The following ZNF142 variants were observed in gnomAD, a reference collection of about 807,000 sequenced individuals.
ZNF142 encodes zinc finger protein 142 (clone pHZ-49).
In ZNF142, 96 loss-of-function variants were observed where a neutral mutation model predicts 132.1. The ratio of observed to expected loss-of-function variants is 0.73; its 90% CI spans 0.62 to 0.86. ZNF142 has a LOEUF of 0.86. ZNF142 is among the 40% of genes least tolerant of loss of function. The pLI, the probability that ZNF142 is intolerant of heterozygous loss-of-function variation, is 0.00. For synonymous variants in ZNF142, 842 were observed against 890.1 expected (o/e 0.95, Z 0.96); for missense variants, 2,163 against 2,336.2 (o/e 0.93, Z 1.53).
chr2:218,648,689 T>C lies in ZNF142; in HGVS notation c.1819A>G (p.Asn607Asp). The change falls in exon 7 of 11, where the codon AAC becomes GAC. Residue 607 changes from asparagine (N) to aspartate (D), a missense_variant. Asn to Asp is a conservative substitution (Grantham distance 23, BLOSUM62 1). Coordinates refer to ENST00000411696, the MANE Select transcript of ZNF142 (RefSeq NM_001379659.1). ...HEKIHQCPEC[N>D]FATAHKRVLI... ...ACCCTCTTGTGGGCAGTGGCAAAGT[T>C]GCACTCAGGACACTGGTGGATCTTT... 1 of 1,614,248 alleles carries C rather than the reference T, an allele frequency of 6.2e-7. No individual in the cohort carries two copies. The highest frequency in any genetic ancestry group is 2.2e-5 in the East Asian group (1 of 44,892).
Position 218,637,159 on chromosome 2 carries a change from A to C in ZNF142, c.*1180T>G. 1 of 267,848 alleles carries C rather than the reference A, an allele frequency of 3.7e-6. No homozygotes were observed. The highest frequency in any genetic ancestry group is 7.4e-6 in the Non-Finnish European group (1 of 134,964). The allele number at this position is 267,848 out of a possible 1,614,324, so 16.6% of individuals were successfully genotyped here. A position where few individuals can be genotyped will look rare whatever the true frequency, so the allele number is the denominator to read the frequency against. Reference sequence around the variant, plus strand: ...CTTCCTCCTTAGCCCCACTGGTATAAATACATCTCTCTCCAATTTGGCTTC... The same window carrying C: ...CTTCCTCCTTAGCCCCACTGGTATACATACATCTCTCTCCAATTTGGCTTC... On this transcript the variant is annotated 3_prime_UTR_variant, in exon 11 of 11. Transcript: ENST00000411696.
chr2:218,642,616 T>C lies in ZNF142; in HGVS notation c.4500A>G (p.Ala1500=), dbSNP rs1217328481. Residue 1500 remains alanine (A), a synonymous_variant, in exon 9 of 11, where the codon GCA becomes GCG. Transcript: ENST00000411696. This position sits in a 1 kb window ranked among gnomAD's most constrained non-coding sequence, Gnocchi z 4.6. Reference sequence around the variant, plus strand: ...GTCGGCGCAGAGCATGCTGCTTAAGTGCTGTCTCTGAGCTGAACTGGGCTT... The same window carrying C: ...GTCGGCGCAGAGCATGCTGCTTAAGCGCTGTCTCTGAGCTGAACTGGGCTT... ...QCEAQFSSET[A]LKQHALRRHP... The C allele has an allele frequency of 3.1e-6, 5 of 1,613,736 alleles. No individual in the cohort carries two copies. The East Asian group carries it at 1.1e-4, about 36-fold the overall frequency.
chr2:218,650,877 C>G (rs1254677672), intron 5 of ZNF142, among the ~76,000 whole-genome samples: 1 of 152,150 alleles, frequency 6.6e-6, no homozygotes, highest in Non-Finnish European at 1.5e-5. Context: ...GGCCCGTTTT[C>G]TCTGTTTCCT....
Position 218,650,527 on chromosome 2 carries a change from C to T in ZNF142, c.881-1G>A. On this transcript the variant is annotated splice_acceptor_variant, in intron 5 of 10. Coordinates refer to ENST00000411696, the MANE Select transcript of ZNF142 (RefSeq NM_001379659.1). LOFTEE classifies it high-confidence loss of function. ...CTCTCTCCTGGAGGCAGTTTGGGAG[C>T]TGGAGATACATAAAACTTGATAAAG... The T allele has an allele frequency of 6.4e-7, 1 of 1,568,518 alleles. No individual in the cohort carries two copies. Among genetic ancestry groups the T allele is most frequent in the Admixed American group, 1.9e-5 (1 of 51,678 alleles).
chr2:218,646,840 G>A (rs1697770582), intron 7 of ZNF142, among the ~76,000 whole-genome samples: 1 of 152,090 alleles, frequency 6.6e-6, no homozygotes. Flanking sequence ...GCCCGCCTTG[G>A]CCTCCTAAAG....
Position 218,646,250 on chromosome 2 carries a change from T to C in ZNF142, c.1972A>G (p.Met658Val). Residue 658 changes from methionine (M) to valine (V), a missense_variant, in exon 8 of 11, where the codon ATG becomes GTG. Coordinates refer to ENST00000411696, the MANE Select transcript of ZNF142 (RefSeq NM_001379659.1). ...GTGACATAGCCACATTCAGTGCACATGTAATCCTTGGTGTTGGAGTGGGTC... is the reference window on the plus strand; with the variant it reads ...GTGACATAGCCACATTCAGTGCACACGTAATCCTTGGTGTTGGAGTGGGTC... ...MLTHSNTKDY[M>V]CTECGYVTKW... The C allele has an allele frequency of 6.2e-7, 1 of 1,614,222 alleles. No individual in the cohort carries two copies. The highest frequency in any genetic ancestry group is 8.5e-7 in the Non-Finnish European group (1 of 1,180,036).
rs766693505 is a variant in ZNF142 at position 218,649,575 on chromosome 2, C to G, written c.1049-116G>C. ...GATGTGTGGCCTCTCTGCAGGAAAC[C>G]AAGCAAAAGGGTCTCAAATACTGTA... is the stretch of plus-strand genomic sequence containing the variant. On this transcript the variant is annotated intron_variant, in intron 6 of 10. Coordinates refer to ENST00000411696, the MANE Select transcript of ZNF142 (RefSeq NM_001379659.1). 8.0e-6 allele frequency: 8 copies of G among 999,036 alleles called. No individual in the cohort carries two copies. The African/African-American group carries it at 9.8e-5, about 12-fold the overall frequency. 61.9% of individuals were successfully genotyped at this position (999,036 alleles called of 1,614,324 possible). A position where few individuals can be genotyped will look rare whatever the true frequency, so the allele number is the denominator to read the frequency against.
In ZNF142 at chr2:218,642,058, G is replaced by T. The variant is rs199587417; in HGVS notation, c.5058C>A (p.Pro1686=). ...GACGAGAGGGATCAGCACAGGCATA[G>T]GGGCAGAGGTGACAGTGGTAAGGCT... The part of the protein sequence containing the change: ...GEKPYHCHLC[P]YACADPSRLK... The change falls in exon 9 of 11, where the codon CCC becomes CCA. Residue 1686 remains proline, a synonymous_variant. Transcript: ENST00000411696. This position sits in a 1 kb window ranked among gnomAD's most constrained non-coding sequence, Gnocchi z 4.6. The T allele has an allele frequency of 2.1e-4, 347 of 1,614,090 alleles. No individual in the cohort carries two copies. The highest frequency in any genetic ancestry group is 2.8e-4 in the Non-Finnish European group (330 of 1,180,030).
At position 218,649,196 on chromosome 2, in the gene ZNF142, T is replaced by C. The variant is rs983287824; in HGVS notation, c.1312A>G (p.Met438Val). ...GAAATATCTTCATGCATGCTGGCCA[T>C]GTGGCGGTTGAGTGCATTCCTCTCC... Reference protein sequence around the residue: ...AVERNALNRHMASMHEDISNF... With the variant: ...AVERNALNRHVASMHEDISNF... Residue 438 changes from methionine (M) to valine (V), a missense_variant, in exon 7 of 11, where the codon ATG becomes GTG. Transcript: ENST00000411696. 3 of 1,614,122 alleles carry C rather than the reference T, an allele frequency of 1.9e-6. No individual in the cohort carries two copies. Among genetic ancestry groups the C allele is most frequent in the Admixed American group, 1.7e-5 (1 of 60,014 alleles).
Position 218,643,511 on chromosome 2 carries a change from T to G in ZNF142, c.3605A>C (p.Asp1202Ala). Reference protein sequence around the residue: ...PTEAPKKHHLDPVPPAGNSSP... With the variant: ...PTEAPKKHHLAPVPPAGNSSP... ...GGAGTTTCCTGCAGGAGGGACTGGG[T>G]CAAGGTGGTGCTTCTTAGGGGCCTC... The change falls in exon 9 of 11, where the codon GAC becomes GCC. Residue 1202 changes from aspartate to alanine, a missense_variant. This residue lies in a region of ZNF142 where 809 missense variants were observed against 801.7 expected (regional missense o/e 1.01). Transcript: ENST00000411696. 1 of 1,611,506 alleles carries G rather than the reference T, an allele frequency of 6.2e-7. No individual in the cohort carries two copies. Among genetic ancestry groups the G allele is most frequent in the Non-Finnish European group, 8.5e-7 (1 of 1,178,426 alleles).
At position 218,638,088 on chromosome 2, in the gene ZNF142, G is replaced by A. The variant is rs908977116; in HGVS notation, c.*251C>T. The A allele has an allele frequency of 2.8e-6, 1 of 358,346 alleles. No individual in the cohort carries two copies. Among genetic ancestry groups the A allele is most frequent in the Non-Finnish European group, 5.0e-6 (1 of 201,410 alleles). The allele number at this position is 358,346 out of a possible 1,614,324, so 22.2% of individuals were successfully genotyped here. A position where few individuals can be genotyped will look rare whatever the true frequency, so the allele number is the denominator to read the frequency against. On this transcript the variant is annotated 3_prime_UTR_variant, in exon 11 of 11. Coordinates refer to ENST00000411696, the MANE Select transcript of ZNF142 (RefSeq NM_001379659.1). The stretch of plus-strand genomic sequence containing the variant: ...CCAGGGACTTTGATGGAGTGATGGT[G>A]AAGAAACTGAGAACTTGCAGGTTAA...
Position 218,638,747 on chromosome 2 carries a change from A to T in ZNF142, c.5256T>A (p.Arg1752=). 6.2e-7 allele frequency: 1 copy of T among 1,612,208 alleles called. No homozygotes were observed. Among genetic ancestry groups the T allele is most frequent in the Non-Finnish European group, 8.5e-7 (1 of 1,180,002 alleles). ...EYCTNRADAL[R]VHQETRHREA... ...CTCGATGCCGGGTCTCCTGGTGCACACGCAGTGCATCAGCCCGGTTGGTGC... is the reference window on the plus strand; with the variant it reads ...CTCGATGCCGGGTCTCCTGGTGCACTCGCAGTGCATCAGCCCGGTTGGTGC... The change falls in exon 11 of 11, where the codon CGT becomes CGA. Residue 1752 remains arginine, a synonymous_variant. Transcript: ENST00000411696.
chr2:218,652,019 C>T lies in ZNF142; in HGVS notation c.562G>A (p.Gly188Ser), dbSNP rs1367439500. 1 of 565,480 alleles carries T rather than the reference C, an allele frequency of 1.8e-6. No homozygotes were observed. Among genetic ancestry groups the T allele is most frequent in the Admixed American group, 2.3e-5 (1 of 42,666 alleles). 35.0% of individuals were successfully genotyped at this position (565,480 alleles called of 1,614,324 possible). A position where few individuals can be genotyped will look rare whatever the true frequency, so the allele number is the denominator to read the frequency against. ...ALKSHFKIHR[G>S]TPDTFSCPES... ...GGGCAGGAGAAGGTGTCAGGAGTGC[C>T]CCGGTGAATCTTGAAGTGGCTCTTC... Residue 188 changes from glycine to serine, a missense_variant, in exon 5 of 11, where the codon GGC (glycine) becomes AGC (serine). Physicochemically the swap from Gly to Ser is moderately conservative, Grantham distance 56. Coordinates refer to ENST00000411696, the MANE Select transcript of ZNF142 (RefSeq NM_001379659.1).
chr2:218,634,572 G>T lies in ZNF142; in HGVS notation c.*3767C>A. 6.2e-7 allele frequency: 1 copy of T among 1,614,052 alleles called. No individual in the cohort carries two copies. The highest frequency in any genetic ancestry group is 1.1e-5 in the South Asian group (1 of 91,084). On this transcript the variant is annotated 3_prime_UTR_variant, in exon 11 of 11. Coordinates refer to ENST00000411696, the MANE Select transcript of ZNF142 (RefSeq NM_001379659.1). The surrounding 1 kb of genome is among the most constrained non-coding windows in gnomAD (Gnocchi z 4.0). ...CCAGACTTCCTGCGTGATATCCAGA[G>T]TTCTTTCCACCCTGAGAAGCCCATC...
rs1207701010 is a variant in ZNF142 at position 218,644,504 on chromosome 2, C to A, written c.2612G>T (p.Ser871Ile). 2 of 1,613,934 alleles carry A rather than the reference C, an allele frequency of 1.2e-6. No homozygotes were observed. The highest frequency in any genetic ancestry group is 2.7e-5 in the African/African-American group (2 of 74,942). The part of the protein sequence containing the change: ...EEVNTGRQEG[S>I]EAPHGGDLGG... Reference sequence around the variant, plus strand: ...CAGGTCACCCCCATGGGGAGCCTCACTGCCCTCCTGTCTTCCAGTGTTGAC... The same window carrying A: ...CAGGTCACCCCCATGGGGAGCCTCAATGCCCTCCTGTCTTCCAGTGTTGAC... Residue 871 changes from serine (S) to isoleucine (I), a missense_variant, in exon 9 of 11, where the codon AGT becomes ATT. Around this residue, in one of 7 missense-constraint regions of ZNF142, gnomAD observed 749 missense variants for 830.3 expected, o/e 0.90. Coordinates refer to ENST00000411696, the MANE Select transcript of ZNF142 (RefSeq NM_001379659.1). The surrounding 1 kb of genome is among the most constrained non-coding windows in gnomAD (Gnocchi z 4.6).
Position 218,642,529 on chromosome 2 carries a change from G to A in ZNF142, c.4587C>T (p.His1529=), listed in dbSNP as rs765732915. ...GGCACAGCAACCCACAGCGGGAACA[G>A]TGCAGGGGGCCCTCAGTGGTCTCTG... ...SPAETTEGPL[H]CSRCGLLCPS... The change falls in exon 9 of 11, where the codon CAC becomes CAT. Residue 1529 remains histidine (H), a synonymous_variant. Transcript: ENST00000411696. This position sits in a 1 kb window ranked among gnomAD's most constrained non-coding sequence, Gnocchi z 4.6. 1.9e-6 allele frequency: 3 copies of A among 1,611,154 alleles called. No individual in the cohort carries two copies. The highest frequency in any genetic ancestry group is 2.5e-6 in the Non-Finnish European group (3 of 1,178,402).
In ZNF142 at chr2:218,642,331, C is replaced by T. The variant is rs748323893; in HGVS notation, c.4785G>A (p.Leu1595=). 2 of 1,613,808 alleles carry T rather than the reference C, an allele frequency of 1.2e-6. No homozygotes were observed. The highest frequency in any genetic ancestry group is 2.2e-5 in the South Asian group (2 of 91,084). The change falls in exon 9 of 11, where the codon CTG becomes CTA. Residue 1595 remains leucine, a synonymous_variant. Transcript: ENST00000411696. The surrounding 1 kb of genome is among the most constrained non-coding windows in gnomAD (Gnocchi z 4.6). ...CDFAARERVG[L]VKHYLEQHEE... is the part of the protein sequence containing the mutation. ...CATGCTGTTCCAGGTAGTGCTTTAC[C>T]AGGCCCACCCGCTCCCGGGCAGCAA... is the stretch of plus-strand genomic sequence containing the variant.
At position 218,656,385 on chromosome 2, in the gene ZNF142, CCCGGTGCT is replaced by C; in HGVS notation, c.37_44del (p.Ser13GlyfsTer8). On this transcript the variant is annotated frameshift_variant, in exon 4 of 11. Transcript: ENST00000411696. LOFTEE classifies it high-confidence loss of function. ...GCTCAGGGCACAGTCCATCCATCTC[CCCGGTGCT>C]ACTGGCTGGCTGTGAGTCCAAAAGG... The C allele has an allele frequency of 6.9e-7, 1 of 1,452,838 alleles. No individual in the cohort carries two copies. Among genetic ancestry groups the C allele is most frequent in the Non-Finnish European group, 9.2e-7 (1 of 1,088,408 alleles). The allele number at this position is 1,452,838 out of a possible 1,614,324, so 90.0% of individuals were successfully genotyped here. A position where few individuals can be genotyped will look rare whatever the true frequency, so the allele number is the denominator to read the frequency against.
In ZNF142 at chr2:218,635,057, C is replaced by A; in HGVS notation, c.*3282G>T. Among the ~76,000 whole-genome samples the A allele has an allele frequency of 6.6e-6, 1 of 151,778 alleles. No individual in the cohort carries two copies. The highest frequency in any genetic ancestry group is 2.4e-5 in the African/African-American group (1 of 41,316). ...AGTTTGAGACCAGTCTGAAACTGGT[C>A]TCAACAAAAAATTTAAAAATTTTGT... On this transcript the variant is annotated 3_prime_UTR_variant, in exon 11 of 11. Coordinates refer to ENST00000411696, the MANE Select transcript of ZNF142 (RefSeq NM_001379659.1).
Sources: gnomAD v4.1 joint callset for allele counts (sites outside exome capture counted in the v4.1 genomes callset) on GRCh38, gnomAD v4.1.1 for gene constraint, gnomAD v4.1.1 regional missense constraint, Gnocchi (gnomAD v3.1) non-coding constraint, MANE v1.5 for transcripts, NCBI Gene and HGNC (gene_info 2026-07-23, HGNC 2026-07-21) for gene names.